Variants in JMJD6 observed in about 807,000 individuals in gnomAD.
The protein encoded by JMJD6 is jumonji domain containing 6, arginine demethylase and lysine hydroxylase.
JMJD6 carries 17 observed loss-of-function variants against 45.8 expected under a neutral mutation model. The observed-to-expected ratio is 0.37, with a 90% CI of 0.25 to 0.56. JMJD6 has a LOEUF of 0.56. Among genes scored for constraint, JMJD6 ranks in the 20% least tolerant of loss-of-function variants. JMJD6 has a pLI of 0.79. For synonymous variants in JMJD6, 221 were observed against 196.3 expected, an observed-to-expected ratio of 1.13 and a Z score of -1.05; for missense variants, 470 against 517.5, an observed-to-expected ratio of 0.91 and a Z score of 0.89.
Position 76,718,476 on chromosome 17 carries a change from A to C in JMJD6, c.*253T>G. The C allele has an allele frequency of 7.6e-7, 1 of 1,309,614 alleles. No individual in the cohort carries two copies. Among genetic ancestry groups the C allele is most frequent in the Non-Finnish European group, 9.7e-7 (1 of 1,033,582 alleles). 81.1% of individuals were successfully genotyped at this position (1,309,614 alleles called of 1,614,324 possible). ...TAGAAAATGGATTCAATTTTTATTA[A>C]ATAATGTAAAGGATTTTCTTGGCAC... is the stretch of plus-strand genomic sequence containing the variant. On this transcript the variant is annotated 3_prime_UTR_variant, in exon 6 of 6. Transcript: ENST00000397625.
intron 3 of JMJD6, among the ~76,000 whole-genome samples, chr17:76,722,949 AT>A (rs111664445): frequency 1.8e-3 from 268 of 145,560 alleles, no homozygotes; most frequent in African/African-American, 1.8e-3. Context: ...TTTACATACA[AT>A]TTTTTTTTTT....
chr17:76,718,868 C>G lies in JMJD6; in HGVS notation c.1081-8G>C. On this transcript the variant is annotated splice_polypyrimidine_tract_variant and splice_region_variant and intron_variant, in intron 5 of 5. Transcript: ENST00000397625. ...CTCGGATCCAGACTCGCACTGGACA[C>G]AGGAGGACAGAAAACAAGGAGTCAA... The G allele has an allele frequency of 2.5e-6, 4 of 1,611,024 alleles. No individual in the cohort carries two copies. The highest frequency in any genetic ancestry group is 1.7e-6 in the Non-Finnish European group (2 of 1,178,782).
At chr17:76,723,663 G>T (rs1194763761) in intron 3 of JMJD6, 109 bp downstream of exon 3, 1 of 1,024,386 alleles carries the variant, frequency 9.8e-7, no homozygotes, top group East Asian at 2.4e-5. Flanking sequence ...GGATGGTCTC[G>T]ATCTCCTGAC....
rs1294112619 is a variant in JMJD6, at chr17:76,724,030, C to T, written c.547G>A (p.Gly183Arg). ...AGAGGGTCGATGTGAATCCCAGTTC[C>T]GGAGCGTGGTGGCCCCATCACAAAC... ...RWFVMGPPRS[G>R]TGIHIDPLGT... The change falls in exon 3 of 6, where the codon GGA (glycine) becomes AGA (arginine). Residue 183 changes from glycine (G) to arginine (R), a missense_variant. Gly to Arg is a moderately radical substitution (Grantham distance 125). Around this residue, in one of 4 missense-constraint regions of JMJD6, gnomAD observed 346 missense variants for 339.5 expected, o/e 1.02. Transcript: ENST00000397625. 8 of 1,613,962 alleles carry T rather than the reference C, an allele frequency of 5.0e-6. No individual in the cohort carries two copies. Among genetic ancestry groups the T allele is most frequent in the Admixed American group, 1.7e-5 (1 of 59,998 alleles).
At chr17:76,712,851 T>A (rs1468008134) in exon 7 of JMJD6, 1 of 152,246 alleles carries the variant, frequency 6.6e-6, no homozygotes, top group Non-Finnish European at 1.5e-5. Context: ...ATCATGTTGC[T>A]TTATTTAAAA....
Position 76,720,370 on chromosome 17 carries a change from G to C in JMJD6, c.1070C>G (p.Ser357Cys). The stretch of plus-strand genomic sequence containing the variant: ...AGAGCAAGGCCTCACCTCTGAGTCG[G>C]AGTCTGACGAACTGGAGCTGGAGGA... The part of the protein sequence containing the change: ...SSSSSSSSSD[S>C]DSECESGSEG... The change falls in exon 5 of 6, where the codon TCC (serine) becomes TGC (cysteine). Residue 357 changes from serine to cysteine, a missense_variant. This residue lies in a region of JMJD6 where 45 missense variants were observed against 37.2 expected (regional missense o/e 1.21). Transcript: ENST00000397625. The C allele has an allele frequency of 6.2e-7, 1 of 1,614,094 alleles. No individual in the cohort carries two copies. The highest frequency in any genetic ancestry group is 8.5e-7 in the Non-Finnish European group (1 of 1,180,026).
intron 3 of JMJD6, among the ~76,000 whole-genome samples, chr17:76,723,315 T>C (rs1384300566): frequency 6.6e-6 from 1 of 152,172 alleles, no homozygotes; most frequent in East Asian, 1.9e-4. Flanking sequence ...TGTGACACTA[T>C]AGCTACATGT....
At chr17:76,721,342 C>G in intron 4 of JMJD6, 1 of 447,216 alleles carries the variant, frequency 2.2e-6, no homozygotes, top group Non-Finnish European at 4.6e-6. Flanking sequence ...TGCCGCTGCC[C>G]GTGCTGTATC....
chr17:76,723,038 C>T (rs867797595), intron 3 of JMJD6, among the ~76,000 whole-genome samples: 7 of 151,074 alleles, frequency 4.6e-5, no homozygotes, highest in South Asian at 2.1e-4. Context: ...CCTCCTCTTC[C>T]GGATTCAAGT....
chr17:76,715,088 T>C (rs985911060), downstream of JMJD6: 3 of 152,056 alleles, frequency 2.0e-5, no homozygotes, highest in Non-Finnish European at 2.9e-5. Context: ...GAGTTGTTGA[T>C]AGAAAACTGA....
At chr17:76,725,882 AGTT>A in intron 1 of JMJD6, 27 bp from the exon 2 acceptor site, 1 of 1,540,190 alleles carries the variant, frequency 6.5e-7, no homozygotes, top group Non-Finnish European at 8.7e-7. Context: ...AGACCTGTCC[AGTT>A]AAAAAAAAAA....
In JMJD6 at chr17:76,726,220, G is replaced by A. The variant is rs1361698262; in HGVS notation, c.129+127C>T. The A allele has an allele frequency of 3.9e-6, 5 of 1,273,600 alleles. No individual in the cohort carries two copies. The African/African-American group carries it at 7.9e-5, about 20-fold the overall frequency. 78.9% of individuals were successfully genotyped at this position (1,273,600 alleles called of 1,614,324 possible). ...GCGCCTCGGGGACCCCAAACTCCGCGGGGTGCGGGTGAGCCTCTACGAGGT... is the reference window on the plus strand; with the variant it reads ...GCGCCTCGGGGACCCCAAACTCCGCAGGGTGCGGGTGAGCCTCTACGAGGT... On this transcript the variant is annotated intron_variant, in intron 1 of 5. Transcript: ENST00000397625.
chr17:76,718,981 A>G lies in JMJD6; in HGVS notation c.1081-121T>C. On this transcript the variant is annotated intron_variant, in intron 5 of 5. Transcript: ENST00000397625. Reference sequence around the variant, plus strand: ...GGTCACTTTCTCCCAAATGCAAAGCAGTCATTATGACAGCTCCACAATGTA... The same window carrying G: ...GGTCACTTTCTCCCAAATGCAAAGCGGTCATTATGACAGCTCCACAATGTA... The G allele has an allele frequency of 8.6e-6, 8 of 932,856 alleles. No individual in the cohort carries two copies. In the South Asian group the frequency reaches 1.3e-4, roughly 16 times the overall value. 57.8% of individuals were successfully genotyped at this position (932,856 alleles called of 1,614,324 possible).
chr17:76,724,608 G>C (rs532522446), intron 2 of JMJD6, among the ~76,000 whole-genome samples: 415 of 152,024 alleles, frequency 2.7e-3, no homozygotes, highest in Non-Finnish European at 4.9e-3. Flanking sequence ...CCTGAGGTCA[G>C]GAGTTCAAGA....
intron 3 of JMJD6, among the ~76,000 whole-genome samples, chr17:76,722,845 C>CAA (rs71158058): frequency 0.059 from 2,545 of 42,794 alleles, 583 homozygotes; most frequent in Middle Eastern, 0.21. Flanking sequence ...GACTTGGTCT[C>CAA]AAAAAAAAAA....
downstream of JMJD6, among the ~76,000 whole-genome samples, chr17:76,718,113 T>C (rs561787694): frequency 7.2e-6 from 1 of 138,910 alleles, no homozygotes; most frequent in Non-Finnish European, 1.5e-5. Flanking sequence ...CTGTGAGCCA[T>C]GATCACGCCA....
downstream of JMJD6, chr17:76,715,010 TC>T (rs1464275629): frequency 6.6e-6 from 1 of 152,186 alleles, no homozygotes; most frequent in Admixed American, 6.5e-5. Flanking sequence ...TGGCAACGTG[TC>T]CTACCACGCC....
chr17:76,721,680 C>T (rs2076826527), intron 4 of JMJD6, 118 bp downstream of exon 4: 11 of 1,177,622 alleles, frequency 9.3e-6, no homozygotes, highest in Non-Finnish European at 1.3e-5. Context: ...GGTCGGCAGC[C>T]CCAGCTTTGC....
Position 76,726,560 on chromosome 17 carries a change from C to T in JMJD6, c.-85G>A. The T allele has an allele frequency of 6.7e-7, 1 of 1,482,498 alleles. No individual in the cohort carries two copies. The highest frequency in any genetic ancestry group is 8.9e-7 in the Non-Finnish European group (1 of 1,121,058). The allele number at this position is 1,482,498 out of a possible 1,614,324, so 91.8% of individuals were successfully genotyped here. A position where few individuals can be genotyped will look rare whatever the true frequency, so the allele number is the denominator to read the frequency against. Reference sequence around the variant, plus strand: ...ACGCACCCCTCCCCGGCCTGGGCGGCGGCGACGGCAGTACCCAAACGCCCT... The same window carrying T: ...ACGCACCCCTCCCCGGCCTGGGCGGTGGCGACGGCAGTACCCAAACGCCCT... On this transcript the variant is annotated 5_prime_UTR_variant, in exon 1 of 6. Transcript: ENST00000397625.
Sources: allele counts gnomAD v4.1 joint callset (sites outside exome capture counted in the v4.1 genomes callset), GRCh38; gene constraint gnomAD v4.1.1; regional missense constraint gnomAD v4.1.1; transcripts MANE v1.5; gene names NCBI Gene and HGNC (gene_info 2026-07-23, HGNC 2026-07-21).